AUTS2: variants seen among roughly 807,000 people sequenced by gnomAD.
AUTS2 encodes the protein autism susceptibility gene 2 protein.
In AUTS2, 17 loss-of-function variants were observed where a neutral mutation model predicts 112.4. The observed-to-expected ratio is 0.15, with a 90% confidence interval of 0.10 to 0.23. The LOEUF (loss-of-function observed/expected upper bound fraction) is 0.23. Ranked by LOEUF, AUTS2 falls within the 10% of genes least tolerant of loss-of-function variation. The pLI is 1.00. For synonymous variants in AUTS2, 751 were observed against 702.7 expected (o/e 1.07, Z -1.09); for missense variants, 1,510 against 1,701.6 (o/e 0.89, Z 1.98).
intron 4 of AUTS2, among the ~76,000 whole-genome samples, chr7:70,314,823 G>A (rs188191948): frequency 2.9e-4 from 44 of 152,206 alleles, no homozygotes; most frequent in Admixed American, 2.2e-3. Flanking sequence ...TTCAACCAAC[G>A]CTTACAGTCT....
chr7:70,146,935 A>C (rs1807155916), intron 4 of AUTS2, among the ~76,000 whole-genome samples: 1 of 152,200 alleles, frequency 6.6e-6, no homozygotes. Context: ...CAATTTTATT[A>C]AAAAATTTAA....
intron 5 of AUTS2, among the ~76,000 whole-genome samples, chr7:70,677,885 C>T (rs138880489): frequency 1.8e-3 from 271 of 152,138 alleles, no homozygotes; most frequent in African/African-American, 5.6e-3. Flanking sequence ...AGATCGAGAC[C>T]GTCCTGGCTA....
chr7:69,819,124 T>C (rs1280104804), intron 1 of AUTS2, among the ~76,000 whole-genome samples: 1 of 152,204 alleles, frequency 6.6e-6, no homozygotes, highest in Non-Finnish European at 1.5e-5. Flanking sequence ...TGTACTTGAT[T>C]AAGTGGCTTG....
intron 5 of AUTS2, among the ~76,000 whole-genome samples, chr7:70,508,977 C>A (rs1361561774): frequency 2.0e-5 from 3 of 152,124 alleles, no homozygotes; most frequent in Non-Finnish European, 2.9e-5. Flanking sequence ...GCTGACTTGC[C>A]TTTTGCCTCC....
chr7:69,729,732 G>A (rs1351442630), intron 1 of AUTS2, among the ~76,000 whole-genome samples: 5 of 151,830 alleles, frequency 3.3e-5, no homozygotes, highest in Non-Finnish European at 7.4e-5. Flanking sequence ...GGTGCATTTT[G>A]TTTTTTCCTT....
At chr7:69,687,853 T>A (rs1328715765) in intron 1 of AUTS2, among the ~76,000 whole-genome samples, 3 of 152,212 alleles carry the variant, frequency 2.0e-5, no homozygotes, top group Non-Finnish European at 1.5e-5. Context: ...TTTGCTTTGC[T>A]TTTCCTATCA....
chr7:69,840,859 T>G (rs1791947141), intron 1 of AUTS2, among the ~76,000 whole-genome samples: 1 of 152,152 alleles, frequency 6.6e-6, no homozygotes, highest in African/African-American at 2.4e-5. Flanking sequence ...AAATAAAATA[T>G]AGAAGGATAC....
At chr7:69,724,182 G>T (rs899063865) in intron 1 of AUTS2, among the ~76,000 whole-genome samples, 1 of 152,100 alleles carries the variant, frequency 6.6e-6, no homozygotes, top group Non-Finnish European at 1.5e-5. Flanking sequence ...ACATCCCCAT[G>T]GGGCGAGTCA....
chr7:69,785,695 T>C lies in AUTS2; in HGVS notation c.310-113591T>C, dbSNP rs141440725. On this transcript the variant is annotated intron_variant, in intron 1 of 18. Coordinates refer to ENST00000342771, the MANE Select transcript of AUTS2 (RefSeq NM_015570.4). ...TGATAAACAGGAGTTATATTTGCTG[T>C]CAGTTTCTATGAAAGGACAGCATTA... Among the ~76,000 whole-genome samples the C allele has an allele frequency of 2.0e-3, 300 of 152,312 alleles. 2 individuals are homozygous for C. Among genetic ancestry groups the C allele is most frequent in the Middle Eastern group, 3.4e-3 (1 of 294 alleles).
chr7:69,876,090 G>C (rs186549416), intron 1 of AUTS2, among the ~76,000 whole-genome samples: 1 of 151,404 alleles, frequency 6.6e-6, no homozygotes, highest in Admixed American at 6.6e-5. Flanking sequence ...AGTGTGGCCA[G>C]GTGTGGTGGC....
At chr7:69,655,876 G>A (rs1795506990) in intron 1 of AUTS2, among the ~76,000 whole-genome samples, 1 of 152,180 alleles carries the variant, frequency 6.6e-6, no homozygotes. Flanking sequence ...CACCCTCTGG[G>A]CTGTTGTACT....
At chr7:69,797,300 T>A (rs923063639) in intron 1 of AUTS2, among the ~76,000 whole-genome samples, 1 of 151,656 alleles carries the variant, frequency 6.6e-6, no homozygotes, top group Non-Finnish European at 1.5e-5. Flanking sequence ...CGTTTTCAGC[T>A]CCCCAAGCCA....
At chr7:70,185,487 A>G (rs1035054231) in intron 4 of AUTS2, among the ~76,000 whole-genome samples, 2 of 151,966 alleles carry the variant, frequency 1.3e-5, no homozygotes, top group East Asian at 3.9e-4. Flanking sequence ...TTGTGAGGCC[A>G]CTTGTCTTAT....
intron 4 of AUTS2, among the ~76,000 whole-genome samples, chr7:70,405,160 C>T (rs1435936777): frequency 6.6e-6 from 1 of 152,178 alleles, no homozygotes; most frequent in Non-Finnish European, 1.5e-5. Flanking sequence ...CTTGAGGTGG[C>T]ATTGTATACC....
chr7:69,992,883 CAGAA>C (rs1798796858), intron 2 of AUTS2, among the ~76,000 whole-genome samples: 1 of 152,070 alleles, frequency 6.6e-6, no homozygotes, highest in Non-Finnish European at 1.5e-5. Flanking sequence ...AGACCCATCT[CAGAA>C]GGAGAAGAAA....
chr7:69,817,944 A>C (rs985534904), intron 1 of AUTS2, among the ~76,000 whole-genome samples: 7 of 152,206 alleles, frequency 4.6e-5, no homozygotes, highest in Admixed American at 3.9e-4. Context: ...CACAGCATGG[A>C]TGCTAGGTCT....
chr7:70,172,222 G>A (rs1020381796), intron 4 of AUTS2, among the ~76,000 whole-genome samples: 1 of 152,138 alleles, frequency 6.6e-6, no homozygotes, highest in Non-Finnish European at 1.5e-5. Context: ...GCATTTACAG[G>A]ATGTCTTGTG....
intron 1 of AUTS2, among the ~76,000 whole-genome samples, chr7:69,788,170 A>G (rs999309055): frequency 1.3e-5 from 2 of 152,148 alleles, no homozygotes; most frequent in Non-Finnish European, 2.9e-5. Context: ...CCCAGTAAAA[A>G]ATGACCTTTT....
At chr7:70,372,014 G>C (rs1315845626) in intron 4 of AUTS2, among the ~76,000 whole-genome samples, 3 of 152,178 alleles carry the variant, frequency 2.0e-5, no homozygotes, top group African/African-American at 7.2e-5. Context: ...CACAAAACTG[G>C]AAAGGATGGG....
Sources: allele counts gnomAD v4.1 joint callset (sites outside exome capture counted in the v4.1 genomes callset), GRCh38; gene constraint gnomAD v4.1.1; transcripts MANE v1.5; gene names NCBI Gene and HGNC (gene_info 2026-07-23, HGNC 2026-07-21).